CARF: variants seen among roughly 807,000 people sequenced by gnomAD.
The protein encoded by CARF is calcium responsive transcription factor, also known as calcium-responsive transcription factor.
A neutral mutation model predicts 82.0 loss-of-function variants in CARF; 57 were observed. That is an observed-to-expected ratio of 0.70 (90% CI 0.56 to 0.87). The LOEUF (loss-of-function observed/expected upper bound fraction) is 0.87, where lower values mean the gene tolerates loss of function less well. Ranked by LOEUF, CARF falls within the 40% of genes least tolerant of loss-of-function variation. The probability of loss-of-function intolerance (pLI) is 0.00; values close to 1 mark genes in which losing one functional copy is unlikely to be tolerated. For synonymous variants in CARF, 268 were observed against 290.1 expected (o/e 0.92, Z 0.77); for missense variants, 771 against 855.8 (o/e 0.90, Z 1.24).
chr2:202,938,403 CCACAA>C (rs1694285908), intron 3 of CARF: 1 of 152,130 alleles, frequency 6.6e-6, no homozygotes, highest in Non-Finnish European at 1.5e-5. Context: ...CAGGTATGCA[CCACAA>C]CACCCAGCTA....
intron 9 of CARF, among the ~76,000 whole-genome samples, chr2:202,966,196 C>T (rs1004110601): frequency 2.0e-5 from 3 of 152,160 alleles, no homozygotes; most frequent in African/African-American, 4.8e-5. Context: ...ATTTATTAAA[C>T]GTAAGTTAGT....
At chr2:202,942,719 T>A in intron 4 of CARF, 21 bp from the exon 5 acceptor site, 1 of 1,284,946 alleles carries the variant, frequency 7.8e-7, no homozygotes, top group Non-Finnish European at 1.1e-6. Flanking sequence ...ACTGAAGTGA[T>A]TTTTTTTTTC....
chr2:202,914,347 C>T (rs1354958735), intron 1 of CARF, among the ~76,000 whole-genome samples: 1 of 152,038 alleles, frequency 6.6e-6, no homozygotes, highest in Non-Finnish European at 1.5e-5. Context: ...CTTAATTGTT[C>T]TTTGTGTTTT....
At chr2:202,965,808 A>G (rs1003996202) in intron 9 of CARF, among the ~76,000 whole-genome samples, 14 of 152,238 alleles carry the variant, frequency 9.2e-5, no homozygotes, top group Non-Finnish European at 4.4e-5. Context: ...CTTAAGTTAT[A>G]TAATTTTCAC....
chr2:202,930,837 C>T (rs1692757254), intron 3 of CARF, among the ~76,000 whole-genome samples: 1 of 152,094 alleles, frequency 6.6e-6, no homozygotes. Context: ...GGACCAACCC[C>T]TCCTCTTCTT....
chr2:202,974,898 C>CAA (rs769343318), intron 13 of CARF, among the ~76,000 whole-genome samples: 83 of 150,876 alleles, frequency 5.5e-4, no homozygotes, highest in Non-Finnish European at 1.1e-3. Context: ...GACTCCATCT[C>CAA]AAAAAATATA....
At chr2:202,965,883 AC>A (rs1431331123) in intron 9 of CARF, among the ~76,000 whole-genome samples, 3 of 152,212 alleles carry the variant, frequency 2.0e-5, no homozygotes, top group African/African-American at 7.2e-5. Context: ...GCTGAAAACG[AC>A]AAACGTTAAT....
At chr2:202,971,144 A>ATGT (rs2059775778) in intron 11 of CARF, among the ~76,000 whole-genome samples, 2 of 152,096 alleles carry the variant, frequency 1.3e-5, no homozygotes, top group Admixed American at 6.5e-5. Context: ...TTGAGGTAAA[A>ATGT]TGTACTTAAT....
chr2:202,917,111 T>A (rs887658444), intron 1 of CARF, among the ~76,000 whole-genome samples: 2 of 143,998 alleles, frequency 1.4e-5, no homozygotes, highest in Non-Finnish European at 1.5e-5. Flanking sequence ...CTTGGGAGGC[T>A]GAGGCAGGAG....
chr2:202,951,326 C>G (rs2058745218), intron 5 of CARF, among the ~76,000 whole-genome samples: 1 of 152,216 alleles, frequency 6.6e-6, no homozygotes, highest in Non-Finnish European at 1.5e-5. Context: ...GCCACTGTAT[C>G]TGGCCTCAAG....
intron 3 of CARF, among the ~76,000 whole-genome samples, chr2:202,935,389 C>T (rs969401291): frequency 1.3e-5 from 2 of 148,678 alleles, no homozygotes; most frequent in African/African-American, 5.0e-5. Flanking sequence ...CAGTGTATGA[C>T]CAATCTTGTT....
intron 3 of CARF, chr2:202,925,692 A>T (rs1309759137): frequency 5.1e-6 from 1 of 194,774 alleles, no homozygotes; most frequent in Non-Finnish European, 1.1e-5. Flanking sequence ...GCCATTAAGG[A>T]TGCCAGTGCC....
At chr2:202,943,671 G>A (rs2058353589) in intron 5 of CARF, among the ~76,000 whole-genome samples, 1 of 138,724 alleles carries the variant, frequency 7.2e-6, no homozygotes, top group Admixed American at 7.4e-5. Context: ...TTTCTGAGAT[G>A]GAGTCTTGCT....
chr2:202,962,874 C>G (rs1418099088), intron 9 of CARF: 4 of 152,120 alleles, frequency 2.6e-5, no homozygotes, highest in Admixed American at 1.3e-4. Context: ...TTGTTTCCAA[C>G]TTTTCATTAT....
intron 13 of CARF, among the ~76,000 whole-genome samples, chr2:202,974,996 T>C (rs898224371): frequency 4.0e-5 from 6 of 151,876 alleles, no homozygotes; most frequent in Non-Finnish European, 8.8e-5. Flanking sequence ...AGAAGAAAAA[T>C]CAGTGAATTC....
intron 2 of CARF, among the ~76,000 whole-genome samples, chr2:202,921,184 G>A (rs931612293): frequency 6.6e-6 from 1 of 152,052 alleles, no homozygotes; most frequent in Non-Finnish European, 1.5e-5. Flanking sequence ...TGTATTTTTG[G>A]TAGAGACGGG....
chr2:202,950,783 A>G (rs1393705430), intron 5 of CARF, among the ~76,000 whole-genome samples: 2 of 152,168 alleles, frequency 1.3e-5, no homozygotes, highest in East Asian at 3.8e-4. Context: ...AAGTGCTGCC[A>G]CTTCCTATGA....
intron 1 of CARF, among the ~76,000 whole-genome samples, chr2:202,915,469 T>C (rs1428368751): frequency 6.6e-6 from 1 of 152,014 alleles, no homozygotes; most frequent in East Asian, 1.9e-4. Context: ...GATTTTTGTA[T>C]TTTGTTTTGT....
chr2:202,931,752 TTTAA>T (rs1692976395), intron 3 of CARF, among the ~76,000 whole-genome samples: 1 of 145,298 alleles, frequency 6.9e-6, no homozygotes, highest in Non-Finnish European at 1.5e-5. Flanking sequence ...TCATTCTAAT[TTTAA>T]TTAATAACGT....
Sources: gnomAD v4.1 joint callset for allele counts (sites outside exome capture counted in the v4.1 genomes callset) on GRCh38, gnomAD v4.1.1 for gene constraint, MANE v1.5 for transcripts, NCBI Gene and HGNC (gene_info 2026-07-23, HGNC 2026-07-21) for gene names.